Variants in PCDH11X observed in about 807,000 individuals in gnomAD.
The protein encoded by PCDH11X is protocadherin 11 X-linked, also known as protocadherin-11 X-linked.
In PCDH11X, 18 loss-of-function variants were observed where a neutral mutation model predicts 53.3. The observed-to-expected ratio is 0.34, with a 90% confidence interval of 0.23 to 0.50. PCDH11X has a LOEUF of 0.50. Among genes scored for constraint, PCDH11X ranks in the 20% least tolerant of loss-of-function variants. The pLI, the probability that PCDH11X is intolerant of heterozygous loss-of-function variation, is 0.98. For synonymous variants in PCDH11X, 279 were observed against 393.3 expected (o/e 0.71, Z 3.44); for missense variants, 570 against 1,032.4 (o/e 0.55, Z 6.14).
chrX:91,898,583 C>A (rs1469599355), intron 6 of PCDH11X, among the ~76,000 whole-genome samples: 2 of 107,676 alleles, frequency 1.9e-5, no homozygotes, highest in Non-Finnish European at 3.8e-5. Flanking sequence ...GTGGTAGAAT[C>A]ATAAAATGTC....
chrX:92,015,478 A>T (rs1195123429), intron 6 of PCDH11X, among the ~76,000 whole-genome samples: 2 of 112,687 alleles, frequency 1.8e-5, no homozygotes, highest in African/African-American at 6.4e-5. Flanking sequence ...CAATCCTTTT[A>T]TGCCCTGCCA....
chrX:92,097,427 A>T (rs2064159130), intron 6 of PCDH11X, among the ~76,000 whole-genome samples: 1 of 109,014 alleles, frequency 9.2e-6, no homozygotes, highest in Admixed American at 1.0e-4. Context: ...AAAAAAAAAA[A>T]TTGAAAAAGT....
intron 8 of PCDH11X, among the ~76,000 whole-genome samples, chrX:92,293,421 G>C (rs1251034909): frequency 1.8e-5 from 2 of 109,768 alleles, no homozygotes; most frequent in African/African-American, 3.3e-5. Context: ...TCAGGAGATC[G>C]AGACCATCCT....
intron 8 of PCDH11X, among the ~76,000 whole-genome samples, chrX:92,376,818 A>C (rs948285035): frequency 1.8e-5 from 2 of 111,793 alleles, no homozygotes; most frequent in African/African-American, 6.5e-5. Flanking sequence ...AACATTCTTT[A>C]AATTTAAACA....
At chrX:92,459,844 C>T in intron 9 of PCDH11X, 2 of 1,115,292 alleles carry the variant, frequency 1.8e-6, no homozygotes, top group Admixed American at 2.2e-5. Context: ...TGGCATGGGG[C>T]CTGGGGGCCT....
chrX:92,366,338 T>G (rs1035553652), intron 8 of PCDH11X, among the ~76,000 whole-genome samples: 3 of 110,505 alleles, frequency 2.7e-5, no homozygotes, highest in Non-Finnish European at 3.8e-5. Context: ...TGCTATTCTC[T>G]TTATCATTTT....
At chrX:92,167,272 A>G (rs2065751347) in intron 6 of PCDH11X, among the ~76,000 whole-genome samples, 1 of 111,934 alleles carries the variant, frequency 8.9e-6, no homozygotes, top group East Asian at 2.8e-4. Flanking sequence ...ACATTGAAAG[A>G]CACTGCAGAT....
chrX:92,096,760 G>A (rs901139570), intron 6 of PCDH11X, among the ~76,000 whole-genome samples: 1 of 110,145 alleles, frequency 9.1e-6, no homozygotes, highest in African/African-American at 3.3e-5. Flanking sequence ...ACAGTATGAG[G>A]GAAACCACCC....
intron 7 of PCDH11X, among the ~76,000 whole-genome samples, chrX:92,211,310 T>G (rs1347383619): frequency 2.7e-5 from 3 of 110,607 alleles, no homozygotes; most frequent in African/African-American, 6.6e-5. Context: ...TCCTCCACAC[T>G]TACGAACAAC....
chrX:92,361,644 A>G (rs2148540260), intron 8 of PCDH11X, among the ~76,000 whole-genome samples: 1 of 109,092 alleles, frequency 9.2e-6, no homozygotes, highest in South Asian at 4.0e-4. Context: ...TTAGCTTTTA[A>G]AAGATTTGTT....
chrX:91,958,464 G>A (rs772694868), intron 6 of PCDH11X, among the ~76,000 whole-genome samples: 60 of 111,243 alleles, frequency 5.4e-4, no homozygotes, highest in African/African-American at 1.9e-3. Context: ...CCAAGGCCCT[G>A]GTGGTGTGGG....
rs759548708 is a variant in PCDH11X, at chrX:92,586,269, T to C, written c.3368-31995T>C. On this transcript the variant is annotated intron_variant, in intron 10 of 10. Transcript: ENST00000682573. ...GTGCCACTGAGGACAGTTTGTTTCA[T>C]TGACCGAGAATTGTGTTTTTTTCAA... Among the ~76,000 whole-genome samples, 154 of 107,068 alleles carry C rather than the reference T, an allele frequency of 1.4e-3. 1 individual carries two copies. The highest frequency in any genetic ancestry group is 5.1e-3 in the African/African-American group (149 of 29,282). 93.0% of individuals were successfully genotyped at this position (107,068 alleles called of 115,157 possible).
At chrX:92,546,473 C>A (rs1359640277) in intron 10 of PCDH11X, among the ~76,000 whole-genome samples, 1 of 110,502 alleles carries the variant, frequency 9.0e-6, no homozygotes, top group Non-Finnish European at 1.9e-5. Context: ...AAATGTAAAT[C>A]ATATTACTTG....
chrX:92,275,344 G>A (rs907680552), intron 8 of PCDH11X, among the ~76,000 whole-genome samples: 4 of 106,320 alleles, frequency 3.8e-5, no homozygotes, highest in South Asian at 8.4e-4. Flanking sequence ...GGGAGAGCAC[G>A]TGTGTTTTTA....
intron 6 of PCDH11X, among the ~76,000 whole-genome samples, chrX:91,904,261 C>T (rs1396029440): frequency 3.6e-5 from 4 of 110,123 alleles, no homozygotes; most frequent in African/African-American, 1.3e-4. Flanking sequence ...TTGCACCAAC[C>T]TAATATCATA....
chrX:92,258,681 T>C (rs1471494282), intron 7 of PCDH11X, among the ~76,000 whole-genome samples: 1 of 112,275 alleles, frequency 8.9e-6, no homozygotes, highest in Non-Finnish European at 1.9e-5. Flanking sequence ...TATGCAAATT[T>C]CTACAACCAG....
Position 92,113,622 on chromosome X carries a change from A to G in PCDH11X, c.3034-87753A>G, listed in dbSNP as rs34987851. 6,707 of 1,195,135 alleles carry G rather than the reference A, an allele frequency of 5.6e-3. 562 individuals are homozygous for G. The African/African-American group carries it at 0.097, about 17-fold the overall frequency. Reference sequence around the variant, plus strand: ...TGAGCCAGTCCACCTTCCTCCGGGTATTGATGAAGATGACTGCCTGGGTGA... The same window carrying G: ...TGAGCCAGTCCACCTTCCTCCGGGTGTTGATGAAGATGACTGCCTGGGTGA... On this transcript the variant is annotated intron_variant, in intron 6 of 10. Transcript: ENST00000682573.
intron 7 of PCDH11X, among the ~76,000 whole-genome samples, chrX:92,214,790 T>A (rs2066659270): frequency 8.9e-6 from 1 of 111,751 alleles, no homozygotes; most frequent in African/African-American, 3.3e-5. Flanking sequence ...GAATCACACC[T>A]GTAATCTCAG....
Position 91,877,053 on chromosome X carries a change from C to G in PCDH11X, c.813C>G (p.Leu271=). The change falls in exon 6 of 11, where the codon CTC becomes CTG. Residue 271 remains leucine, a synonymous_variant. Transcript: ENST00000682573. ...CTGTAGGCACTTCAGTGACACAGCT[C>G]CATGCCACAGATGCTGACATAGGTG... ...NAPVGTSVTQ[L]HATDADIGEN... 8.4e-7 allele frequency: 1 copy of G among 1,191,497 alleles called. No individual in the cohort carries two copies. The highest frequency in any genetic ancestry group is 1.8e-5 in the South Asian group (1 of 56,168).
Sources: allele counts gnomAD v4.1 joint callset (sites outside exome capture counted in the v4.1 genomes callset), GRCh38; gene constraint gnomAD v4.1.1; transcripts MANE v1.5; gene names NCBI Gene and HGNC (gene_info 2026-07-23, HGNC 2026-07-21).